The following UTY variants were observed in gnomAD, a reference collection of about 807,000 sequenced individuals.
UTY encodes ubiquitously transcribed tetratricopeptide repeat containing, Y-linked.
A neutral mutation model predicts 32.5 loss-of-function variants in UTY; 12 were observed. The ratio of observed to expected loss-of-function variants is 0.37; its 90% CI spans 0.24 to 0.60. The LOEUF is 0.60. Among genes scored for constraint, UTY ranks in the 20% least tolerant of loss-of-function variants. UTY has a pLI of 0.69. For synonymous variants in UTY, 131 were observed against 103.4 expected, an observed-to-expected ratio of 1.27 and a Z score of -1.62; for missense variants, 303 against 299.2, an observed-to-expected ratio of 1.01 and a Z score of -0.09.
intron 28 of UTY, among the ~76,000 whole-genome samples, chrY:13,238,698 G>A: frequency 3.0e-5 from 1 of 33,840 alleles, no homozygotes; most frequent in Admixed American, 2.7e-4. Flanking sequence ...AACTGCACCC[G>A]CAGAGCCAGT....
chrY:13,316,967 A>G (rs949590945), intron 21 of UTY, among the ~76,000 whole-genome samples: 6 of 33,639 alleles, frequency 1.8e-4, no homozygotes, highest in Non-Finnish European at 4.4e-4. Flanking sequence ...TTTCTGAAAT[A>G]GCAGCAGTTT....
chrY:13,333,707 G>C, intron 18 of UTY, among the ~76,000 whole-genome samples: 1 of 33,898 alleles, frequency 3.0e-5, no homozygotes, highest in African/African-American at 1.2e-4. Context: ...TGCAACAAAA[G>C]CCAAAATTGA....
chrY:13,359,716 T>C (rs1400548129), intron 12 of UTY, 51 bp downstream of exon 12: 1 of 315,880 alleles, frequency 3.2e-6, no homozygotes. Flanking sequence ...CTCCTGCCAA[T>C]TATTATAGGA....
At chrY:13,378,842 G>T in intron 8 of UTY, among the ~76,000 whole-genome samples, 7 of 32,390 alleles carry the variant, frequency 2.2e-4, no homozygotes, top group African/African-American at 6.1e-4. Context: ...CTACAGGTGC[G>T]TGCCAGCAGG....
At chrY:13,425,232 G>C in intron 4 of UTY, among the ~76,000 whole-genome samples, 1 of 33,990 alleles carries the variant, frequency 2.9e-5, no homozygotes, top group African/African-American at 1.2e-4. Context: ...TCTCTCCCAA[G>C]CAAGCATAAA....
intron 29 of UTY, among the ~76,000 whole-genome samples, 199 bp downstream of exon 29, chrY:13,250,818 A>AAAAATGGT (rs2054086370): frequency 2.9e-5 from 1 of 34,404 alleles, no homozygotes; most frequent in Non-Finnish European, 7.3e-5. Context: ...ACTGAGAAGC[A>AAAAATGGT]AAAATGGTAA....
chrY:13,333,545 C>T (rs2060836197), intron 18 of UTY, among the ~76,000 whole-genome samples: 1 of 33,889 alleles, frequency 3.0e-5, no homozygotes, highest in African/African-American at 1.2e-4. Context: ...AACTGTACCC[C>T]TTCCTTACAC....
intron 27 of UTY, chrY:13,287,387 G>A: frequency 5.8e-6 from 2 of 342,512 alleles, no homozygotes; most frequent in Non-Finnish European, 8.6e-6. Flanking sequence ...AAACATTGTT[G>A]TTAGTTTACC....
At chrY:13,320,322 C>T in intron 21 of UTY, among the ~76,000 whole-genome samples, 1 of 32,800 alleles carries the variant, frequency 3.0e-5, no homozygotes, top group Non-Finnish European at 7.5e-5. Flanking sequence ...ACTATGACTG[C>T]TCTAAAACTT....
intron 2 of UTY, among the ~76,000 whole-genome samples, chrY:13,474,372 C>CA (rs2078840277): frequency 3.1e-5 from 1 of 31,808 alleles, no homozygotes; most frequent in African/African-American, 1.2e-4. Context: ...TTTGTCACTA[C>CA]AAAAAAATCC....
At chrY:13,418,891 G>A in intron 4 of UTY, among the ~76,000 whole-genome samples, 5 of 33,279 alleles carry the variant, frequency 1.5e-4, no homozygotes, top group African/African-American at 5.9e-4. Flanking sequence ...TTAGAAGCAG[G>A]ACTTAGTTGC....
At chrY:13,432,424 T>G (rs2074126887) in intron 4 of UTY, among the ~76,000 whole-genome samples, 2 of 33,145 alleles carry the variant, frequency 6.0e-5, no homozygotes, top group South Asian at 1.4e-3. Context: ...CTTCCACTAC[T>G]AACTATCTCC....
At chrY:13,316,995 G>A (rs776133330) in intron 21 of UTY, among the ~76,000 whole-genome samples, 1 of 33,058 alleles carries the variant, frequency 3.0e-5, no homozygotes, top group Admixed American at 2.8e-4. Context: ...TTGAAATATC[G>A]TAATGAGATT....
At chrY:13,256,767 C>T (rs2054769199) in intron 28 of UTY, among the ~76,000 whole-genome samples, 1 of 33,679 alleles carries the variant, frequency 3.0e-5, no homozygotes, top group Non-Finnish European at 7.4e-5. Flanking sequence ...TGCTCAGTTA[C>T]GACTTCATAC....
chrY:13,236,732 G>A, intron 28 of UTY, among the ~76,000 whole-genome samples: 2 of 33,367 alleles, frequency 6.0e-5, no homozygotes, highest in Non-Finnish European at 1.5e-4. Context: ...GTTCATCTAC[G>A]TAAAGCTACT....
Position 13,479,657 on chromosome Y carries a change from G to C in UTY, c.9C>G (p.Ser3=), listed in dbSNP as rs2032653. 27,838 of 390,088 alleles carry C rather than the reference G, an allele frequency of 0.071. No homozygotes were observed. The highest frequency in any genetic ancestry group is 0.71 in the African/African-American group (10,822 of 15,264). Residue 3 remains serine (S), a synonymous_variant, in exon 1 of 30, where the codon TCC becomes TCG. Transcript: ENST00000545955. The part of the protein sequence containing the change: MK[S]CAVSLTTAAV... Reference sequence around the variant, plus strand: ...CGGCGGTAGTGAGCGACACTGCGCAGGATTTCATGGAAACAACAAATTTCC... The same window carrying C: ...CGGCGGTAGTGAGCGACACTGCGCACGATTTCATGGAAACAACAAATTTCC...
At chrY:13,354,558 T>C in intron 17 of UTY, among the ~76,000 whole-genome samples, 1 of 33,149 alleles carries the variant, frequency 3.0e-5, no homozygotes, top group South Asian at 6.8e-4. Context: ...TCCTGATCAA[T>C]GAGCAGTCAT....
At chrY:13,288,611 T>C (rs2057570519) in intron 27 of UTY, among the ~76,000 whole-genome samples, 1 of 32,583 alleles carries the variant, frequency 3.1e-5, no homozygotes, top group Non-Finnish European at 7.5e-5. Flanking sequence ...AGAAAGATAA[T>C]GAATGGCCCC....
chrY:13,305,017 A>G (rs2058600470), intron 24 of UTY, among the ~76,000 whole-genome samples: 1 of 31,275 alleles, frequency 3.2e-5, no homozygotes, highest in Non-Finnish European at 7.7e-5. Flanking sequence ...AAAAAAAAAA[A>G]GCGCATCACG....
Sources: gnomAD v4.1 joint callset for allele counts (sites outside exome capture counted in the v4.1 genomes callset) on GRCh38, gnomAD v4.1.1 for gene constraint, MANE v1.5 for transcripts, NCBI Gene and HGNC (gene_info 2026-07-23, HGNC 2026-07-21) for gene names.